Variants in PAQR5 observed in about 807,000 individuals in gnomAD.
PAQR5 encodes the protein progestin and adipoQ receptor family member 5.
In PAQR5, 20 loss-of-function variants were observed where a neutral mutation model predicts 34.5. That is an observed-to-expected ratio of 0.58 (90% CI 0.41 to 0.84). The LOEUF (loss-of-function observed/expected upper bound fraction) is 0.84. Ranked by LOEUF, PAQR5 falls within the 40% of genes least tolerant of loss-of-function variation. The pLI is 0.00. For missense variants in PAQR5, 378 were observed against 412.7 expected (o/e 0.92, Z 0.73); for synonymous variants, 131 against 155.6 (o/e 0.84, Z 1.18).
At chr15:69,304,415 T>TG (rs1232069505) in intron 1 of PAQR5, among the ~76,000 whole-genome samples, 2 of 152,194 alleles carry the variant, frequency 1.3e-5, no homozygotes, top group Non-Finnish European at 2.9e-5. Flanking sequence ...GTTGGAGACA[T>TG]GGTGTTGGCT....
intron 3 of PAQR5, among the ~76,000 whole-genome samples, chr15:69,371,107 T>A (rs1467679265): frequency 6.6e-6 from 1 of 151,986 alleles, no homozygotes; most frequent in Non-Finnish European, 1.5e-5. Flanking sequence ...TTGACAATGA[T>A]GTTAAATTAA....
rs1283583589 is a variant in PAQR5 at position 69,329,462 on chromosome 15, T to TC, written c.-276-7878dup. 2.3e-3 allele frequency among the ~76,000 whole-genome samples: 344 copies of TC among 147,050 alleles called. 4 individuals are homozygous for TC. The highest frequency in any genetic ancestry group is 8.2e-3 in the African/African-American group (324 of 39,300). ...ATTTTACCTAAATTTATTTTTTCTT[T>TC]CTTTTTTTTTTTTTTTTTTTTTTTT... On this transcript the variant is annotated intron_variant, in intron 1 of 8. Coordinates refer to ENST00000395407, the MANE Select transcript of PAQR5 (RefSeq NM_017705.4).
At chr15:69,368,497 A>G (rs7170597) in intron 3 of PAQR5, among the ~76,000 whole-genome samples, 144,337 of 152,324 alleles carry the variant, frequency 0.95, 68,885 homozygotes, top group South Asian at 1. Context: ...TGGATCTGAA[A>G]ACTGATGACT....
intron 7 of PAQR5, among the ~76,000 whole-genome samples, chr15:69,399,363 C>T (rs2056551088): frequency 6.6e-6 from 1 of 152,208 alleles, no homozygotes; most frequent in South Asian, 2.1e-4. Flanking sequence ...TCAGGATTTT[C>T]TCAATATCAC....
chr15:69,336,030 A>T (rs1183584577), intron 1 of PAQR5, among the ~76,000 whole-genome samples: 1 of 152,144 alleles, frequency 6.6e-6, no homozygotes, highest in Non-Finnish European at 1.5e-5. Context: ...AGTGGCAGGA[A>T]AAAAAAGGAG....
intron 2 of PAQR5, among the ~76,000 whole-genome samples, chr15:69,357,722 TAAAC>T: frequency 6.6e-6 from 1 of 152,318 alleles, no homozygotes; most frequent in Admixed American, 6.5e-5. Context: ...GACGGTGAAA[TAAAC>T]AGATTGTGTT....
chr15:69,350,125 G>A (rs2054874922), intron 2 of PAQR5, among the ~76,000 whole-genome samples: 1 of 152,232 alleles, frequency 6.6e-6, no homozygotes, highest in Non-Finnish European at 1.5e-5. Context: ...GGAATAACTG[G>A]ATCCCAGGGT....
In PAQR5 at chr15:69,360,134, A is replaced by G. The variant is rs748232185; in HGVS notation, c.51+3A>G. On this transcript the variant is annotated splice_donor_region_variant and intron_variant, in intron 3 of 8. Transcript: ENST00000395407. Reference sequence around the variant, plus strand: ...TTAGCATAGACCAGATACCCCAGGTATGTGCTCTATTGATTATGATGGTTC... The same window carrying G: ...TTAGCATAGACCAGATACCCCAGGTGTGTGCTCTATTGATTATGATGGTTC... The G allele has an allele frequency of 6.2e-7, 1 of 1,609,068 alleles. No individual in the cohort carries two copies. The highest frequency in any genetic ancestry group is 8.5e-7 in the Non-Finnish European group (1 of 1,175,496).
chr15:69,320,931 T>A (rs1255742205), intron 1 of PAQR5, among the ~76,000 whole-genome samples: 1 of 152,230 alleles, frequency 6.6e-6, no homozygotes, highest in African/African-American at 2.4e-5. Context: ...TGAGAAGATA[T>A]ATTTGTGTGA....
chr15:69,351,322 C>T (rs1015643735), intron 2 of PAQR5, among the ~76,000 whole-genome samples: 4 of 152,382 alleles, frequency 2.6e-5, no homozygotes, highest in Non-Finnish European at 5.9e-5. Flanking sequence ...GTGCCAAAGA[C>T]AGATGGATCC....
At chr15:69,388,790 C>T (rs1241485508) in intron 5 of PAQR5, among the ~76,000 whole-genome samples, 20 of 152,228 alleles carry the variant, frequency 1.3e-4, no homozygotes, top group Admixed American at 1.3e-3. Context: ...CCTTGTTCAG[C>T]CCTGAGCTAG....
At chr15:69,378,374 C>G (rs1294047335) in intron 3 of PAQR5, among the ~76,000 whole-genome samples, 1 of 129,444 alleles carries the variant, frequency 7.7e-6, no homozygotes, top group Non-Finnish European at 1.6e-5. Context: ...GAGTTTGAGG[C>G]TGCAGTAAGC....
chr15:69,347,341 G>A (rs1328253990), intron 2 of PAQR5, among the ~76,000 whole-genome samples: 4 of 152,196 alleles, frequency 2.6e-5, no homozygotes, highest in African/African-American at 7.2e-5. Context: ...AGTTATAAAC[G>A]TCATTATAAA....
At position 69,299,832 on chromosome 15, in the gene PAQR5, G is replaced by T. The variant is rs564605073; in HGVS notation, c.-277+776G>T. Among the ~76,000 whole-genome samples the T allele has an allele frequency of 2.6e-5, 4 of 152,320 alleles. No individual in the cohort carries two copies. The South Asian group carries it at 8.3e-4, about 32-fold the overall frequency. ...TTAGTGGGAGTCGGGGGTGACAACT[G>T]CCCCTTCCCACGCAGAGCCATAGAG... On this transcript the variant is annotated intron_variant, in intron 1 of 8. Coordinates refer to ENST00000395407, the MANE Select transcript of PAQR5 (RefSeq NM_017705.4).
chr15:69,304,709 G>T (rs2053677230), intron 1 of PAQR5, among the ~76,000 whole-genome samples: 1 of 152,250 alleles, frequency 6.6e-6, no homozygotes, highest in South Asian at 2.1e-4. Context: ...CTCAGACAGG[G>T]TCATTCTGCC....
In PAQR5 at chr15:69,322,160, TAA is replaced by T. The variant is rs34094930; in HGVS notation, c.-276-15162_-276-15161del. ...GGGCAACATAGTGAGACCCCATTTC[TAA>T]AAAAAAAAAAAAAAAAAATTAAAAA... On this transcript the variant is annotated intron_variant, in intron 1 of 8. Transcript: ENST00000395407. Among the ~76,000 whole-genome samples the T allele has an allele frequency of 5.1e-3, 611 of 120,812 alleles. 10 individuals carry two copies. The highest frequency in any genetic ancestry group is 0.013 in the African/African-American group (394 of 31,156). 79.3% of individuals were successfully genotyped at this position (120,812 alleles called of 152,430 possible). A position where few individuals can be genotyped will look rare whatever the true frequency, so the allele number is the denominator to read the frequency against.
At chr15:69,380,472 G>T (rs1041207122) in intron 4 of PAQR5, 2 of 157,078 alleles carry the variant, frequency 1.3e-5, no homozygotes, top group African/African-American at 4.8e-5. Context: ...ATTGGTAGAG[G>T]CATCTGCCAC....
At chr15:69,331,010 T>A (rs1162413313) in intron 1 of PAQR5, among the ~76,000 whole-genome samples, 1 of 152,194 alleles carries the variant, frequency 6.6e-6, no homozygotes, top group Non-Finnish European at 1.5e-5. Flanking sequence ...TCAGGGACTC[T>A]CTGTACTGGT....
chr15:69,365,937 A>G (rs2055390964), intron 3 of PAQR5, among the ~76,000 whole-genome samples: 1 of 152,234 alleles, frequency 6.6e-6, no homozygotes, highest in African/African-American at 2.4e-5. Context: ...AGATTTTTTT[A>G]TAACAGCCTA....
Sources: allele counts gnomAD v4.1 joint callset (sites outside exome capture counted in the v4.1 genomes callset), GRCh38; gene constraint gnomAD v4.1.1; transcripts MANE v1.5; gene names NCBI Gene and HGNC (gene_info 2026-07-23, HGNC 2026-07-21).